Variants in RTN4 observed in about 807,000 individuals in gnomAD.
RTN4 encodes the protein reticulon-4.
Under a neutral mutation model 90.4 loss-of-function variants are expected in RTN4, and 32 were observed. The ratio of observed to expected loss-of-function variants is 0.35; its 90% CI spans 0.27 to 0.48. The LOEUF (loss-of-function observed/expected upper bound fraction) is 0.48, where lower values mean the gene tolerates loss of function less well. RTN4 is among the 20% of genes least tolerant of loss of function. RTN4 has a pLI of 0.99. For synonymous variants in RTN4, 629 were observed against 552.5 expected, an observed-to-expected ratio of 1.14 and a Z score of -1.94; for missense variants, 1,706 against 1,430.2, an observed-to-expected ratio of 1.19 and a Z score of -3.11.
At chr2:55,061,802 C>T (rs1668298304) in intron 2 of RTN4, among the ~76,000 whole-genome samples, 1 of 152,152 alleles carries the variant, frequency 6.6e-6, no homozygotes, top group Non-Finnish European at 1.5e-5. Context: ...GCTCCACCCC[C>T]GGTCCTGTGC....
At chr2:55,058,758 T>C (rs1668235415) in intron 2 of RTN4, among the ~76,000 whole-genome samples, 1 of 152,256 alleles carries the variant, frequency 6.6e-6, no homozygotes, top group South Asian at 2.1e-4. Context: ...AAATCATCTC[T>C]ACAGTCAAGA....
intron 1 of RTN4, among the ~76,000 whole-genome samples, chr2:55,090,618 T>G (rs1668919385): frequency 6.6e-6 from 1 of 152,162 alleles, no homozygotes; most frequent in African/African-American, 2.4e-5. Context: ...GAGAATTCCA[T>G]GAAATATGGA....
intron 1 of RTN4, among the ~76,000 whole-genome samples, chr2:55,104,059 T>C (rs1053798736): frequency 6.6e-6 from 1 of 151,734 alleles, no homozygotes; most frequent in African/African-American, 2.4e-5. Flanking sequence ...TTTATTCACT[T>C]ATTTATTTTG....
At chr2:55,109,867 A>G (rs1469305526) in intron 1 of RTN4, among the ~76,000 whole-genome samples, 6 of 152,196 alleles carry the variant, frequency 3.9e-5, no homozygotes, top group African/African-American at 1.4e-4. Context: ...ACCCTAAAAC[A>G]ATCTTAGCCT....
At chr2:55,023,007 CCTA>C (rs1681564159) in intron 3 of RTN4, among the ~76,000 whole-genome samples, 3 of 151,776 alleles carry the variant, frequency 2.0e-5, no homozygotes, top group African/African-American at 7.3e-5. Flanking sequence ...TGTATTTATT[CCTA>C]CTACTATTGG....
In RTN4 at chr2:55,061,579, G is replaced by A. The variant is rs181007590; in HGVS notation, c.-63+18910C>T. Among the ~76,000 whole-genome samples, 8 of 152,226 alleles carry A rather than the reference G, an allele frequency of 5.3e-5. No individual in the cohort carries two copies. In the East Asian group the frequency reaches 1.5e-3, roughly 29 times the overall value. ...GAAATATATCAGTCCCTTTATTCAT[G>A]ATACTGCAATGTTAAAGAGACAGAA... On this transcript the variant is annotated intron_variant, in intron 2 of 3. Coordinates refer to the RTN4 transcript ENST00000427710.
chr2:55,049,791 G>A lies in RTN4; in HGVS notation c.510C>T (p.Pro170=), dbSNP rs745811213. ...TGCGCTTGGGCGCGGCCGGGGTGGAGGGGGGCGCGGCGGGAGCCGGGGCTG... is the reference window on the plus strand; with the variant it reads ...TGCGCTTGGGCGCGGCCGGGGTGGAAGGGGGCGCGGCGGGAGCCGGGGCTG... ...TPPAPAPAAP[P]STPAAPKRRG... The change falls in exon 1 of 9, where the codon CCC becomes CCT. Residue 170 remains proline (P), a synonymous_variant. Coordinates refer to ENST00000337526, the MANE Select transcript of RTN4 (RefSeq NM_020532.5). The A allele has an allele frequency of 9.8e-5, 128 of 1,310,226 alleles. No homozygotes were observed. In the African/African-American group the frequency reaches 1.7e-3, roughly 18 times the overall value. The allele number at this position is 1,310,226 out of a possible 1,614,324, so 81.2% of individuals were successfully genotyped here.
chr2:55,037,953 A>C (rs777439259), intron 1 of RTN4, among the ~76,000 whole-genome samples: 4 of 152,360 alleles, frequency 2.6e-5, no homozygotes, highest in African/African-American at 9.6e-5. Context: ...AGTAGAACAA[A>C]ATAGATATAT....
chr2:54,993,790 G>A (rs1003038585), intron 3 of RTN4, among the ~76,000 whole-genome samples: 1 of 152,180 alleles, frequency 6.6e-6, no homozygotes, highest in African/African-American at 2.4e-5. Flanking sequence ...AGAGAAATGA[G>A]ACAACTAGGC....
At chr2:55,030,286 A>C (rs1261354999) in intron 1 of RTN4, among the ~76,000 whole-genome samples, 1 of 152,168 alleles carries the variant, frequency 6.6e-6, no homozygotes, top group Non-Finnish European at 1.5e-5. Context: ...CTAAGTAAAA[A>C]AGTTTTCAAA....
At chr2:54,974,106 CAGTG>C (rs1330137233) in intron 6 of RTN4, 3 of 433,182 alleles carry the variant, frequency 6.9e-6, no homozygotes, top group African/African-American at 4.0e-5. Context: ...AATCATATCA[CAGTG>C]AGATTTCATA....
chr2:55,086,415 C>CGT (rs1171900073), intron 1 of RTN4, among the ~76,000 whole-genome samples: 3 of 151,654 alleles, frequency 2.0e-5, no homozygotes, highest in African/African-American at 7.3e-5. Flanking sequence ...AATCCCAGAA[C>CGT]GTTGGGAGGC....
At chr2:54,973,535 A>G in intron 8 of RTN4, 28 bp downstream of exon 8, 1 of 1,545,896 alleles carries the variant, frequency 6.5e-7, no homozygotes. Context: ...TTATCCTAGT[A>G]AAAACACTGC....
chr2:54,974,884 G>C, intron 5 of RTN4, 120 bp from the exon 6 acceptor site: 1 of 743,724 alleles, frequency 1.3e-6, no homozygotes, highest in Non-Finnish European at 2.3e-6. Context: ...TGAAGACTGG[G>C]TAAAGTACCA....
chr2:55,027,092 C>T lies in RTN4; in HGVS notation c.1007G>A (p.Ser336Asn), dbSNP rs578133350. Residue 336 changes from serine to asparagine, a missense_variant, in exon 3 of 9, where the codon AGT becomes AAT. Transcript: ENST00000337526. ...TTGTTGATTATGAAGGATGTTATTA[C>T]TAACTAACTTCTCTTCTTCATCTTT... ...KNKDEEEKLV[S>N]NNILHNQQEL... 3.1e-6 allele frequency: 5 copies of T among 1,613,148 alleles called. No homozygotes were observed. The highest frequency in any genetic ancestry group is 4.2e-6 in the Non-Finnish European group (5 of 1,179,604).
upstream of RTN4, among the ~76,000 whole-genome samples, chr2:55,115,364 T>C (rs1205204047): frequency 1.3e-5 from 2 of 152,162 alleles, no homozygotes; most frequent in Non-Finnish European, 2.9e-5. Context: ...GCTGGTTGAG[T>C]CTTTCTCACA....
intron 1 of RTN4, among the ~76,000 whole-genome samples, chr2:55,085,428 G>A (rs894248949): frequency 6.6e-6 from 1 of 152,186 alleles, no homozygotes; most frequent in African/African-American, 2.4e-5. Context: ...ACCTGGAGAG[G>A]AGTGGGTGTT....
At chr2:55,028,908 T>A (rs1573425390) in intron 1 of RTN4, among the ~76,000 whole-genome samples, 1 of 152,192 alleles carries the variant, frequency 6.6e-6, no homozygotes, top group East Asian at 1.9e-4. Flanking sequence ...ACTAAGGCAA[T>A]TCAATTCCAG....
chr2:55,137,147 T>C, the RTN4 span, among the ~76,000 whole-genome samples: 1 of 152,198 alleles, frequency 6.6e-6, no homozygotes, highest in Admixed American at 6.5e-5. Flanking sequence ...ATCTTTGAAC[T>C]ACATCTTAGA....
Sources: gnomAD v4.1 joint callset for allele counts (sites outside exome capture counted in the v4.1 genomes callset) on GRCh38, gnomAD v4.1.1 for gene constraint, MANE v1.5 for transcripts, NCBI Gene and HGNC (gene_info 2026-07-23, HGNC 2026-07-21) for gene names.